The following CALN1 variants were observed in gnomAD, a reference collection of about 807,000 sequenced individuals.
CALN1 encodes the protein calcium-binding protein 8.
CALN1 carries 17 observed loss-of-function variants against 30.6 expected under a neutral mutation model. The observed-to-expected ratio is 0.56, with a 90% CI of 0.38 to 0.83. The LOEUF is 0.83. CALN1 is among the 40% of genes least tolerant of loss of function. The pLI, the probability that CALN1 is intolerant of heterozygous loss-of-function variation, is 0.00. For missense variants in CALN1, 291 were observed against 354.9 expected, an observed-to-expected ratio of 0.82 and a Z score of 1.45; for synonymous variants, 156 against 131.4, an observed-to-expected ratio of 1.19 and a Z score of -1.28.
intron 5 of CALN1, among the ~76,000 whole-genome samples, chr7:71,957,674 G>C (rs886248130): frequency 4.6e-5 from 7 of 152,080 alleles, no homozygotes; most frequent in African/African-American, 1.7e-4. Context: ...CGGATTTTTT[G>C]TTTTGTTTTT....
chr7:72,367,750 G>A lies in CALN1; in HGVS notation c.119+35501C>T, dbSNP rs377143669. 9.9e-5 allele frequency among the ~76,000 whole-genome samples: 15 copies of A among 151,604 alleles called. No homozygotes were observed. In the East Asian group the frequency reaches 2.1e-3, roughly 21 times the overall value. On this transcript the variant is annotated intron_variant, in intron 2 of 6. Coordinates refer to ENST00000395275, the MANE Select transcript of CALN1 (RefSeq NM_031468.4). ...TTCAGGAAGCTGAGGCAAGGGGATC[G>A]CTTGAGCCCACGAGTTCCAGGCTGG...
Position 72,247,580 on chromosome 7 carries a change from A to T in CALN1, c.244+31106T>A, listed in dbSNP as rs368709373. On this transcript the variant is annotated intron_variant, in intron 3 of 6. Transcript: ENST00000395275. ...TCAACAGGCCATTTTCTTATTAAAGATAAATTATGATTATCATGCCCACTT... is the reference window on the plus strand; with the variant it reads ...TCAACAGGCCATTTTCTTATTAAAGTTAAATTATGATTATCATGCCCACTT... Among the ~76,000 whole-genome samples, 8 of 152,216 alleles carry T rather than the reference A, an allele frequency of 5.3e-5. No homozygotes were observed. In the East Asian group the frequency reaches 1.4e-3, roughly 26 times the overall value.
chr7:71,917,768 A>T (rs1045463980), intron 5 of CALN1, among the ~76,000 whole-genome samples: 2 of 152,170 alleles, frequency 1.3e-5, no homozygotes, highest in Non-Finnish European at 2.9e-5. Flanking sequence ...CCCACCCTTG[A>T]CGTGTGGGGA....
At chr7:72,209,313 CTTCCCTCCTTCCCTCTTTCCTTCCCTCT>C (rs1792180641) in intron 3 of CALN1, among the ~76,000 whole-genome samples, 7 of 85,146 alleles carry the variant, frequency 8.2e-5, no homozygotes, top group Admixed American at 1.1e-4. Flanking sequence ...TCCTTCCCTC[CTTCCCTCCTTCCCTCTTTCCTTCCCTCT>C]TTCCTTCCCT....
At chr7:72,366,158 A>C (rs979980970) in intron 2 of CALN1, among the ~76,000 whole-genome samples, 3 of 151,622 alleles carry the variant, frequency 2.0e-5, no homozygotes, top group African/African-American at 7.3e-5. Context: ...TTTTTATTTT[A>C]TTTTTAATTT....
chr7:72,287,592 G>A (rs75612456), intron 2 of CALN1, among the ~76,000 whole-genome samples: 3,820 of 151,532 alleles, frequency 0.025, 99 homozygotes, highest in East Asian at 0.12. Flanking sequence ...GACTACTGGC[G>A]CCCGCCACGA....
At chr7:72,366,727 A>G (rs1803898649) in intron 2 of CALN1, among the ~76,000 whole-genome samples, 1 of 152,174 alleles carries the variant, frequency 6.6e-6, no homozygotes, top group Non-Finnish European at 1.5e-5. Flanking sequence ...TGACTAAAGC[A>G]GGTTTCAAAA....
intron 6 of CALN1, among the ~76,000 whole-genome samples, chr7:71,803,639 T>TA (rs1322611485): frequency 6.6e-6 from 1 of 152,102 alleles, no homozygotes; most frequent in African/African-American, 2.4e-5. Flanking sequence ...CACACCCAGC[T>TA]AATTTTTGTA....
At chr7:71,953,256 C>T (rs1382954533) in intron 5 of CALN1, among the ~76,000 whole-genome samples, 1 of 152,182 alleles carries the variant, frequency 6.6e-6, no homozygotes, top group Non-Finnish European at 1.5e-5. Flanking sequence ...CCACAGCTGC[C>T]TCAGTCCTCC....
chr7:72,265,609 T>C (rs747585079), intron 3 of CALN1, among the ~76,000 whole-genome samples: 1 of 151,906 alleles, frequency 6.6e-6, no homozygotes, highest in African/African-American at 2.4e-5. Context: ...CTGTTGAAAA[T>C]GAAAGGTTCC....
intron 5 of CALN1, among the ~76,000 whole-genome samples, chr7:71,978,730 C>A (rs1798236257): frequency 6.6e-6 from 1 of 152,184 alleles, no homozygotes; most frequent in South Asian, 2.1e-4. Flanking sequence ...GAATTGACTG[C>A]AGTTTATCCC....
chr7:72,397,372 A>G (rs933205026), intron 2 of CALN1, among the ~76,000 whole-genome samples: 3 of 152,192 alleles, frequency 2.0e-5, no homozygotes, highest in Non-Finnish European at 4.4e-5. Flanking sequence ...CACAGGAGTC[A>G]AAGTCAAGAG....
intron 4 of CALN1, among the ~76,000 whole-genome samples, chr7:72,078,310 C>T (rs1301518480): frequency 2.6e-5 from 4 of 151,910 alleles, no homozygotes; most frequent in African/African-American, 9.7e-5. Context: ...TACGACGATC[C>T]CACCTGTACT....
chr7:72,346,114 T>G (rs1160186590), intron 2 of CALN1, among the ~76,000 whole-genome samples: 2 of 152,192 alleles, frequency 1.3e-5, no homozygotes, highest in Non-Finnish European at 2.9e-5. Context: ...ATTCTTAATT[T>G]CTTTCTAATT....
chr7:72,404,278 G>A (rs976432953), intron 1 of CALN1, among the ~76,000 whole-genome samples: 16 of 152,194 alleles, frequency 1.1e-4, no homozygotes, highest in Admixed American at 7.2e-4. Flanking sequence ...CCCAGGCAGG[G>A]AAGAGCTCAG....
chr7:72,355,873 T>G (rs1803189721), intron 2 of CALN1, among the ~76,000 whole-genome samples: 1 of 152,194 alleles, frequency 6.6e-6, no homozygotes. Flanking sequence ...GTTTATACAT[T>G]TTGTCAAACT....
At chr7:72,220,115 T>A (rs1196850466) in intron 3 of CALN1, among the ~76,000 whole-genome samples, 1 of 151,810 alleles carries the variant, frequency 6.6e-6, no homozygotes, top group Non-Finnish European at 1.5e-5. Flanking sequence ...TATGTATACA[T>A]GTGCCATGCT....
At position 71,780,650 on chromosome 7, in the gene CALN1, T is replaced by C. The variant is rs1792667607; in HGVS notation, c.*7125A>G. 1.3e-5 allele frequency: 2 copies of C among 151,982 alleles called. No homozygotes were observed. Among genetic ancestry groups the C allele is most frequent in the African/African-American group, 4.8e-5 (2 of 41,362 alleles). 9.4% of individuals were successfully genotyped at this position (151,982 alleles called of 1,614,324 possible). ...CTTCTTTCTGGGGTATTAGGAATAA[T>C]TACAAGCTACTATCAACATATACTG... On this transcript the variant is annotated 3_prime_UTR_variant, in exon 7 of 7. Transcript: ENST00000395275.
chr7:71,847,522 CAA>C (rs796263204), intron 5 of CALN1, among the ~76,000 whole-genome samples: 3 of 147,638 alleles, frequency 2.0e-5, no homozygotes, highest in African/African-American at 7.5e-5. Context: ...AAACCAAAAA[CAA>C]AAAAAAAATT....
Sources: gnomAD v4.1 joint callset for allele counts (sites outside exome capture counted in the v4.1 genomes callset) on GRCh38, gnomAD v4.1.1 for gene constraint, MANE v1.5 for transcripts, NCBI Gene and HGNC (gene_info 2026-07-23, HGNC 2026-07-21) for gene names.